The following PCDHA11 variants were observed in gnomAD, a reference collection of about 807,000 sequenced individuals.
PCDHA11 encodes the protein protocadherin alpha-11.
A neutral mutation model predicts 70.3 loss-of-function variants in PCDHA11; 61 were observed. That is an observed-to-expected ratio of 0.87 (90% CI 0.71 to 1.07). The LOEUF (loss-of-function observed/expected upper bound fraction) is 1.07. Among genes scored for constraint, PCDHA11 ranks in the 50% least tolerant of loss-of-function variants. PCDHA11 has a pLI of 0.00. For synonymous variants in PCDHA11, 633 were observed against 555.1 expected, an observed-to-expected ratio of 1.14 and a Z score of -1.97; for missense variants, 1,324 against 1,237.5, an observed-to-expected ratio of 1.07 and a Z score of -1.05.
At chr5:140,882,076 G>T in intron 1 of PCDHA11, 1 of 920,546 alleles carries the variant, frequency 1.1e-6, no homozygotes. Flanking sequence ...TGCGCATGGT[G>T]TCGCTCTTCA....
chr5:140,941,202 C>CCTTCCTTTCTTTCTTTCTTTCTTT (rs1554213920), intron 1 of PCDHA11, among the ~76,000 whole-genome samples: 8 of 122,742 alleles, frequency 6.5e-5, no homozygotes, highest in Non-Finnish European at 1.1e-4. Flanking sequence ...TTTCTTTCTT[C>CCTTCCTTTCTTTCTTTCTTTCTTT]CTTTCTTTCT....
chr5:140,970,927 G>A (rs1481513155), intron 1 of PCDHA11, among the ~76,000 whole-genome samples: 2 of 152,150 alleles, frequency 1.3e-5, no homozygotes, highest in African/African-American at 4.8e-5. Flanking sequence ...GAAGTGCCTG[G>A]TGTTAGTCAA....
intron 1 of PCDHA11, chr5:140,876,689 C>A (rs2056506979): frequency 1.2e-6 from 2 of 1,614,228 alleles, no homozygotes; most frequent in Non-Finnish European, 1.7e-6. Context: ...AATTACTACT[C>A]GTTGGTGCTG....
intron 1 of PCDHA11, chr5:140,876,601 C>G: frequency 6.2e-7 from 1 of 1,614,152 alleles, no homozygotes; most frequent in Non-Finnish European, 8.5e-7. Context: ...CGTGTCGGAT[C>G]GTGACTCTGG....
At chr5:140,946,875 G>C (rs1283632599) in intron 1 of PCDHA11, among the ~76,000 whole-genome samples, 2 of 151,288 alleles carry the variant, frequency 1.3e-5, no homozygotes, top group Non-Finnish European at 3.0e-5. Context: ...TGGTCAATGG[G>C]TACGAAGTTA....
At chr5:140,966,356 C>G (rs1300973653) in intron 1 of PCDHA11, 2 of 400,342 alleles carry the variant, frequency 5.0e-6, no homozygotes, top group Non-Finnish European at 8.8e-6. Flanking sequence ...GGAGATGGGG[C>G]TGGAGAGGCT....
At chr5:140,944,354 A>G (rs2093646021) in intron 1 of PCDHA11, among the ~76,000 whole-genome samples, 1 of 151,968 alleles carries the variant, frequency 6.6e-6, no homozygotes, top group South Asian at 2.1e-4. Flanking sequence ...CACCTGGCTA[A>G]TTTTTAATTT....
At chr5:140,967,750 C>T (rs782284231) in intron 1 of PCDHA11, 3 of 1,614,072 alleles carry the variant, frequency 1.9e-6, no homozygotes, top group Non-Finnish European at 8.5e-7. Flanking sequence ...ATGAGGAAGC[C>T]TCCTCCTACC....
intron 1 of PCDHA11, among the ~76,000 whole-genome samples, chr5:140,956,909 A>C (rs1395848380): frequency 2.0e-5 from 3 of 152,198 alleles, no homozygotes; most frequent in African/African-American, 7.2e-5. Context: ...TAAATGTATA[A>C]ACTTTAATCT....
At chr5:140,909,025 T>C (rs1226589511) in intron 1 of PCDHA11, among the ~76,000 whole-genome samples, 1 of 152,156 alleles carries the variant, frequency 6.6e-6, no homozygotes, top group African/African-American at 2.4e-5. Context: ...TGAATTTTAG[T>C]CATTTATTTT....
chr5:140,986,238 A>G (rs1358537911), intron 3 of PCDHA11, among the ~76,000 whole-genome samples: 1 of 152,152 alleles, frequency 6.6e-6, no homozygotes. Context: ...CCTCTGTGTG[A>G]GCAGACCCGG....
intron 1 of PCDHA11, among the ~76,000 whole-genome samples, chr5:140,965,996 A>G (rs2095956267): frequency 6.6e-6 from 1 of 152,102 alleles, no homozygotes; most frequent in South Asian, 2.1e-4. Context: ...TGCAGTACTT[A>G]AGAGTGTCCA....
chr5:140,937,511 G>A (rs569896730), intron 1 of PCDHA11, among the ~76,000 whole-genome samples: 2 of 152,166 alleles, frequency 1.3e-5, no homozygotes, highest in Non-Finnish European at 2.9e-5. Context: ...CAGCTACTCA[G>A]GAGGCTGAGG....
intron 1 of PCDHA11, chr5:140,882,953 C>T: frequency 3.7e-6 from 6 of 1,614,184 alleles, no homozygotes; most frequent in East Asian, 2.2e-5. Flanking sequence ...AGTTCAGCTG[C>T]TCATCACGAT....
chr5:140,892,424 C>T (rs1288815822), intron 1 of PCDHA11, among the ~76,000 whole-genome samples: 1 of 152,040 alleles, frequency 6.6e-6, no homozygotes, highest in Non-Finnish European at 1.5e-5. Context: ...CTAGATAAAA[C>T]CTCATTATCT....
chr5:140,950,749 C>G (rs1202993675), intron 1 of PCDHA11, among the ~76,000 whole-genome samples: 5 of 152,002 alleles, frequency 3.3e-5, no homozygotes, highest in African/African-American at 4.8e-5. Flanking sequence ...TTCTCTCTAT[C>G]CTTTCTGGAC....
chr5:140,969,254 A>G (rs781854163), intron 1 of PCDHA11: 2 of 1,614,242 alleles, frequency 1.2e-6, no homozygotes, highest in Non-Finnish European at 1.7e-6. Context: ...GACTGACAGC[A>G]GGAATCTCAC....
chr5:140,889,329 T>C (rs1554183865), intron 1 of PCDHA11, among the ~76,000 whole-genome samples: 2 of 152,090 alleles, frequency 1.3e-5, no homozygotes, highest in Admixed American at 6.5e-5. Context: ...GTATCAGGAT[T>C]TTGATTGGTG....
chr5:140,891,879 A>G, intron 1 of PCDHA11, among the ~76,000 whole-genome samples: 1 of 152,196 alleles, frequency 6.6e-6, no homozygotes, highest in East Asian at 1.9e-4. Flanking sequence ...TGGCTCTGTC[A>G]TGTGACGATG....
Sources: allele counts gnomAD v4.1 joint callset (sites outside exome capture counted in the v4.1 genomes callset), GRCh38; gene constraint gnomAD v4.1.1; transcripts MANE v1.5; gene names NCBI Gene and HGNC (gene_info 2026-07-23, HGNC 2026-07-21).